The following GUCY2F variants were observed in gnomAD, a reference collection of about 807,000 sequenced individuals.
GUCY2F encodes the protein guanylate cyclase 2F, retinal.
Under a neutral mutation model 73.1 loss-of-function variants are expected in GUCY2F, and 61 were observed. That is an observed-to-expected ratio of 0.83 (90% CI 0.68 to 1.03). The LOEUF (loss-of-function observed/expected upper bound fraction) is 1.03, where lower values mean the gene tolerates loss of function less well. GUCY2F is among the 50% of genes least tolerant of loss of function. GUCY2F has a pLI of 0.00. For synonymous variants in GUCY2F, 331 were observed against 307.8 expected, an observed-to-expected ratio of 1.08 and a Z score of -0.79; for missense variants, 912 against 854.3, an observed-to-expected ratio of 1.07 and a Z score of -0.84.
chrX:109,420,217 C>A (rs1290465735), intron 8 of GUCY2F, among the ~76,000 whole-genome samples: 5 of 73,558 alleles, frequency 6.8e-5, no homozygotes, highest in Admixed American at 1.9e-4. Context: ...TTTCTTAGGC[C>A]ACCAAAAAAA....
chrX:109,407,728 T>C (rs1339106010), intron 9 of GUCY2F, among the ~76,000 whole-genome samples: 1 of 113,363 alleles, frequency 8.8e-6, no homozygotes, highest in Non-Finnish European at 1.9e-5. Flanking sequence ...AACATAAAGC[T>C]TGGGCTGTGG....
chrX:109,391,391 G>T (rs1930557489), intron 14 of GUCY2F, among the ~76,000 whole-genome samples: 1 of 111,037 alleles, frequency 9.0e-6, no homozygotes, highest in Non-Finnish European at 1.9e-5. Context: ...AGAGCCTCGA[G>T]TCTAATATTT....
chrX:109,395,803 C>T (rs1020429009), intron 11 of GUCY2F, among the ~76,000 whole-genome samples: 7 of 111,626 alleles, frequency 6.3e-5, no homozygotes, highest in African/African-American at 2.3e-4. Flanking sequence ...AGGGACCTGG[C>T]TCCCCTCACC....
At chrX:109,398,786 A>G in intron 10 of GUCY2F, 88 bp from the exon 11 acceptor site, 2 of 813,400 alleles carry the variant, frequency 2.5e-6, no homozygotes, top group South Asian at 5.5e-5. Context: ...GTACTGTTTT[A>G]TTGACTGCCT....
chrX:109,464,221 C>T (rs888782679), intron 3 of GUCY2F, among the ~76,000 whole-genome samples: 1 of 111,771 alleles, frequency 8.9e-6, no homozygotes, highest in African/African-American at 3.3e-5. Context: ...TCCTCGTCTT[C>T]TTTGTATTCA....
intron 6 of GUCY2F, among the ~76,000 whole-genome samples, chrX:109,442,617 A>G (rs1009179904): frequency 1.8e-5 from 2 of 111,700 alleles, no homozygotes; most frequent in East Asian, 2.8e-4. Context: ...TTGATCAACT[A>G]AAGATTACAC....
At chrX:109,442,029 A>G (rs1262261585) in intron 6 of GUCY2F, among the ~76,000 whole-genome samples, 1 of 111,458 alleles carries the variant, frequency 9.0e-6, no homozygotes, top group Non-Finnish European at 1.9e-5. Context: ...CCCAGAAAGC[A>G]ATAATAGTAG....
chrX:109,407,586 T>G (rs901391823), intron 9 of GUCY2F, among the ~76,000 whole-genome samples: 3 of 112,917 alleles, frequency 2.7e-5, no homozygotes, highest in African/African-American at 9.6e-5. Flanking sequence ...TGGCAGCCCC[T>G]CCCATCACAG....
chrX:109,465,586 T>C, intron 2 of GUCY2F, 143 bp from the exon 3 acceptor site: 1 of 470,587 alleles, frequency 2.1e-6, no homozygotes, highest in Non-Finnish European at 3.7e-6. Context: ...GATGTTGTCC[T>C]GAGCTGAGGC....
At chrX:109,421,454 A>G (rs1321684267) in intron 8 of GUCY2F, among the ~76,000 whole-genome samples, 1 of 111,672 alleles carries the variant, frequency 9.0e-6, no homozygotes, top group African/African-American at 3.2e-5. Context: ...ATGAACCTTG[A>G]GGACATTATG....
At chrX:109,421,949 A>G (rs993251264) in intron 8 of GUCY2F, among the ~76,000 whole-genome samples, 2 of 111,966 alleles carry the variant, frequency 1.8e-5, no homozygotes, top group African/African-American at 6.5e-5. Context: ...AATCTTAAAA[A>G]GCATTGTGCT....
chrX:109,462,600 T>G (rs375325717), intron 3 of GUCY2F, among the ~76,000 whole-genome samples: 1 of 111,675 alleles, frequency 9.0e-6, no homozygotes, highest in African/African-American at 3.3e-5. Context: ...AATTACCTTA[T>G]GTTTTCCACA....
At position 109,385,198 on chromosome X, in the gene GUCY2F, T is replaced by C. The variant is rs1315607585; in HGVS notation, c.3041A>G (p.Glu1014Gly). 1 of 1,158,413 alleles carries C rather than the reference T, an allele frequency of 8.6e-7. No individual in the cohort carries two copies. The highest frequency in any genetic ancestry group is 2.2e-5 in the Admixed American group (1 of 45,480). Reference sequence around the variant, plus strand: ...TAGGTACTCACGTAAGCCTGTAGATTCCATCCGAGAAGCTGTGTTCACAGT... The same window carrying C: ...TAGGTACTCACGTAAGCCTGTAGATCCCATCCGAGAAGCTGTGTTCACAGT... ...GDTVNTASRM[E>G]STGLPYRIHV... Residue 1014 changes from glutamate to glycine, a missense_variant, in exon 16 of 20, where the codon GAA becomes GGA. Glu to Gly is a moderately conservative substitution (Grantham distance 98). Coordinates refer to ENST00000218006, the MANE Select transcript of GUCY2F (RefSeq NM_001522.3).
intron 1 of GUCY2F, among the ~76,000 whole-genome samples, chrX:109,476,412 G>A (rs1438493144): frequency 8.9e-6 from 1 of 112,129 alleles, no homozygotes; most frequent in East Asian, 2.8e-4. Context: ...ATTAGACATA[G>A]TATCATTATT....
At chrX:109,392,246 T>C (rs1930584084) in intron 13 of GUCY2F, 143 bp from the exon 14 acceptor site, 2 of 470,181 alleles carry the variant, frequency 4.3e-6, no homozygotes, top group Admixed American at 8.1e-5. Flanking sequence ...ATGAAAACAT[T>C]AATTCGTTCA....
At chrX:109,416,446 C>T (rs1322994640) in intron 8 of GUCY2F, among the ~76,000 whole-genome samples, 3 of 110,057 alleles carry the variant, frequency 2.7e-5, no homozygotes, top group Non-Finnish European at 5.7e-5. Context: ...TAGGAAATGA[C>T]ATAAGAGTAA....
intron 11 of GUCY2F, among the ~76,000 whole-genome samples, chrX:109,396,246 G>A (rs1466316303): frequency 1.8e-5 from 2 of 110,836 alleles, no homozygotes; most frequent in Admixed American, 9.6e-5. Flanking sequence ...GACTTCACGT[G>A]GGAATTCTTA....
At chrX:109,378,942 C>A (rs893617266) in intron 17 of GUCY2F, among the ~76,000 whole-genome samples, 16 of 111,865 alleles carry the variant, frequency 1.4e-4, no homozygotes, top group African/African-American at 5.2e-4. Flanking sequence ...ATGTTCATTG[C>A]AGCACTAGGC....
intron 8 of GUCY2F, among the ~76,000 whole-genome samples, chrX:109,426,591 G>A (rs890617018): frequency 5.4e-5 from 6 of 111,479 alleles, no homozygotes; most frequent in Admixed American, 4.7e-4. Flanking sequence ...GGGTTTCACC[G>A]TGTTAGCCAG....
Sources: allele counts gnomAD v4.1 joint callset (sites outside exome capture counted in the v4.1 genomes callset), GRCh38; gene constraint gnomAD v4.1.1; transcripts MANE v1.5; gene names NCBI Gene and HGNC (gene_info 2026-07-23, HGNC 2026-07-21).